CHL1: variants seen among roughly 807,000 people sequenced by gnomAD.
The protein encoded by CHL1 is cell adhesion molecule L1 like, also known as neural cell adhesion molecule L1-like protein.
CHL1 carries 96 observed loss-of-function variants against 141.9 expected under a neutral mutation model. That is an observed-to-expected ratio of 0.68 (90% CI 0.57 to 0.80). The LOEUF is 0.80. CHL1 is among the 30% of genes least tolerant of loss of function. The pLI, the probability that CHL1 is intolerant of heterozygous loss-of-function variation, is 0.00. For missense variants in CHL1, 1,820 were observed against 1,457.2 expected, an observed-to-expected ratio of 1.25 and a Z score of -4.05; for synonymous variants, 613 against 502.2, an observed-to-expected ratio of 1.22 and a Z score of -2.95.
intron 12 of CHL1, 102 bp downstream of exon 12, chr3:360,526 G>A: frequency 1.7e-6 from 2 of 1,167,734 alleles, no homozygotes; most frequent in South Asian, 3.4e-5. Context: ...ATATATGGAG[G>A]GAAAAATCAA....
At chr3:376,382 G>T (rs770286860) in intron 15 of CHL1, 2 of 516,932 alleles carry the variant, frequency 3.9e-6, no homozygotes, top group Admixed American at 3.9e-5. Flanking sequence ...GTACTGATTT[G>T]GAACCTGGAC....
intron 5 of CHL1, among the ~76,000 whole-genome samples, chr3:332,710 T>G (rs937327868): frequency 6.6e-6 from 1 of 152,202 alleles, no homozygotes; most frequent in African/African-American, 2.4e-5. Context: ...CAGTAGGAAA[T>G]GTCCATGAAT....
intron 23 of CHL1, among the ~76,000 whole-genome samples, chr3:392,198 T>C (rs1325197545): frequency 6.6e-6 from 1 of 152,192 alleles, no homozygotes. Flanking sequence ...TGTTTAATGT[T>C]TATATATAAG....
intron 15 of CHL1, among the ~76,000 whole-genome samples, chr3:372,502 C>T (rs1378124892): frequency 5.9e-5 from 9 of 152,122 alleles, no homozygotes; most frequent in African/African-American, 2.2e-4. Context: ...TAGTTAGCAG[C>T]TCCTGTGACC....
At chr3:270,826 C>G (rs951504894) in intron 2 of CHL1, among the ~76,000 whole-genome samples, 1 of 152,222 alleles carries the variant, frequency 6.6e-6, no homozygotes, top group Non-Finnish European at 1.5e-5. Flanking sequence ...CTGCTGCCAA[C>G]TGGGAGCTCA....
chr3:269,258 A>G (rs1433974578), intron 2 of CHL1, among the ~76,000 whole-genome samples: 1 of 152,158 alleles, frequency 6.6e-6, no homozygotes, highest in Admixed American at 6.5e-5. Context: ...GATTCCTTCT[A>G]TAGCGCTTTT....
intron 15 of CHL1, among the ~76,000 whole-genome samples, chr3:370,817 A>G (rs1281310080): frequency 1.3e-5 from 2 of 152,118 alleles, no homozygotes; most frequent in Non-Finnish European, 2.9e-5. Flanking sequence ...CTTTGTTCTC[A>G]TTGGTTTCAA....
chr3:265,304 A>G (rs1695059211), intron 2 of CHL1, among the ~76,000 whole-genome samples: 1 of 152,204 alleles, frequency 6.6e-6, no homozygotes, highest in African/African-American at 2.4e-5. Flanking sequence ...AGGTTTTTAT[A>G]TGATTAAATC....
intron 1 of CHL1, among the ~76,000 whole-genome samples, chr3:243,191 T>C (rs1403761417): frequency 1.3e-5 from 2 of 152,116 alleles, no homozygotes; most frequent in Non-Finnish European, 2.9e-5. Flanking sequence ...TCATTTTGAG[T>C]CAACAAATGC....
At chr3:260,191 G>A (rs1441185302) in intron 2 of CHL1, among the ~76,000 whole-genome samples, 2 of 152,158 alleles carry the variant, frequency 1.3e-5, no homozygotes, top group African/African-American at 4.8e-5. Flanking sequence ...TTGAACCCAG[G>A]AGGTGGAGGT....
intron 1 of CHL1, among the ~76,000 whole-genome samples, chr3:228,334 A>G (rs1701548773): frequency 6.6e-6 from 1 of 152,192 alleles, no homozygotes; most frequent in South Asian, 2.1e-4. Context: ...ACGACACCTT[A>G]AAGGCTTACC....
At chr3:216,717 T>A (rs1399425155) in intron 1 of CHL1, among the ~76,000 whole-genome samples, 1 of 152,208 alleles carries the variant, frequency 6.6e-6, no homozygotes, top group Non-Finnish European at 1.5e-5. Context: ...ACTCTACATT[T>A]TTAAGAGAGG....
At chr3:263,795 T>G (rs936076762) in intron 2 of CHL1, among the ~76,000 whole-genome samples, 1 of 152,240 alleles carries the variant, frequency 6.6e-6, no homozygotes, top group Non-Finnish European at 1.5e-5. Context: ...CTAGGGAATG[T>G]TGAAAGAATG....
At chr3:250,093 A>G (rs528660986) in intron 2 of CHL1, among the ~76,000 whole-genome samples, 1 of 151,802 alleles carries the variant, frequency 6.6e-6, no homozygotes, top group East Asian at 1.9e-4. Context: ...TAGCCTCTTG[A>G]GCAGCTGGCA....
chr3:234,123 TGAG>T (rs1328242462), intron 1 of CHL1, among the ~76,000 whole-genome samples: 26 of 151,858 alleles, frequency 1.7e-4, no homozygotes, highest in Non-Finnish European at 5.9e-5. Flanking sequence ...ATATATCAAT[TGAG>T]GAAGGAAATA....
At chr3:271,047 A>G (rs1412370201) in intron 2 of CHL1, among the ~76,000 whole-genome samples, 2 of 152,224 alleles carry the variant, frequency 1.3e-5, no homozygotes, top group African/African-American at 4.8e-5. Context: ...TCATCTCTCA[A>G]TGGGAAGTTG....
intron 2 of CHL1, among the ~76,000 whole-genome samples, chr3:252,394 A>ATATATT (rs1693787030): frequency 7.3e-6 from 1 of 136,938 alleles, no homozygotes; most frequent in Non-Finnish European, 1.6e-5. Context: ...ATATATATAT[A>ATATATT]TATATATTTC....
chr3:211,014 A>G (rs888909885), intron 1 of CHL1, among the ~76,000 whole-genome samples: 12 of 152,172 alleles, frequency 7.9e-5, no homozygotes, highest in African/African-American at 2.7e-4. Flanking sequence ...CCTCTGATCT[A>G]TTTAGGTTTA....
At chr3:367,301 G>A (rs1229733578) in intron 15 of CHL1, among the ~76,000 whole-genome samples, 1 of 152,140 alleles carries the variant, frequency 6.6e-6, no homozygotes, top group Non-Finnish European at 1.5e-5. Context: ...CTACAAATCT[G>A]AAAATGTTTA....
Sources: gnomAD v4.1 joint callset for allele counts (sites outside exome capture counted in the v4.1 genomes callset) on GRCh38, gnomAD v4.1.1 for gene constraint, MANE v1.5 for transcripts, NCBI Gene and HGNC (gene_info 2026-07-23, HGNC 2026-07-21) for gene names.